The following DPYD variants were observed in gnomAD, a reference collection of about 807,000 sequenced individuals.
DPYD encodes the protein dihydropyrimidine dehydrogenase.
Under a neutral mutation model 116.2 loss-of-function variants are expected in DPYD, and 109 were observed. The observed-to-expected ratio is 0.94, with a 90% CI of 0.80 to 1.10. DPYD has a LOEUF of 1.10. DPYD is among the 50% of genes least tolerant of loss of function. The pLI, the probability that DPYD is intolerant of heterozygous loss-of-function variation, is 0.00. For synonymous variants in DPYD, 440 were observed against 432.0 expected, an observed-to-expected ratio of 1.02 and a Z score of -0.23; for missense variants, 1,302 against 1,254.5, an observed-to-expected ratio of 1.04 and a Z score of -0.57.
At chr1:97,621,073 A>G (rs1371581798) in intron 8 of DPYD, among the ~76,000 whole-genome samples, 2 of 152,150 alleles carry the variant, frequency 1.3e-5, no homozygotes, top group Non-Finnish European at 2.9e-5. Context: ...TTGAATATCA[A>G]AAGAAATTTA....
intron 3 of DPYD, among the ~76,000 whole-genome samples, chr1:97,786,648 C>T (rs1667051242): frequency 6.6e-6 from 1 of 152,196 alleles, no homozygotes; most frequent in African/African-American, 2.4e-5. Flanking sequence ...ACAGAATAGA[C>T]ACCTGAAGTT....
At chr1:97,919,311 T>A (rs958889233) in intron 1 of DPYD, among the ~76,000 whole-genome samples, 1 of 152,114 alleles carries the variant, frequency 6.6e-6, no homozygotes, top group Non-Finnish European at 1.5e-5. Context: ...TTGAATTGAG[T>A]GGAGGGAGTG....
At chr1:97,138,628 CA>C (rs76208521) in intron 20 of DPYD, among the ~76,000 whole-genome samples, 7 of 151,968 alleles carry the variant, frequency 4.6e-5, no homozygotes, top group African/African-American at 1.7e-4. Context: ...ATTTTTCTCG[CA>C]AAAAATGTTC....
chr1:97,860,064 TG>T (rs1671043574), intron 2 of DPYD, among the ~76,000 whole-genome samples: 1 of 152,110 alleles, frequency 6.6e-6, no homozygotes, highest in African/African-American at 2.4e-5. Context: ...AATATTAGGC[TG>T]GGTGCGGTGG....
intron 16 of DPYD, among the ~76,000 whole-genome samples, chr1:97,358,303 C>T (rs1056069515): frequency 2.0e-5 from 3 of 152,220 alleles, no homozygotes; most frequent in Admixed American, 1.3e-4. Flanking sequence ...GCTGGGGAAG[C>T]TAGAACTCGG....
intron 16 of DPYD, among the ~76,000 whole-genome samples, chr1:97,363,710 C>A (rs912373737): frequency 6.6e-6 from 1 of 152,106 alleles, no homozygotes; most frequent in Non-Finnish European, 1.5e-5. Flanking sequence ...GGACAAAAAA[C>A]CAAACACTGT....
At chr1:97,290,474 G>C (rs1666063941) in intron 18 of DPYD, among the ~76,000 whole-genome samples, 1 of 151,972 alleles carries the variant, frequency 6.6e-6, no homozygotes, top group Non-Finnish European at 1.5e-5. Flanking sequence ...CATGGTACTG[G>C]TACCAAAACA....
At chr1:97,608,419 C>T (rs1655736043) in intron 8 of DPYD, among the ~76,000 whole-genome samples, 2 of 151,868 alleles carry the variant, frequency 1.3e-5, no homozygotes, top group African/African-American at 4.8e-5. Context: ...CAGAAGGGTA[C>T]ATTCACGTCT....
chr1:97,323,684 AT>A (rs985977764), intron 16 of DPYD, among the ~76,000 whole-genome samples: 5 of 143,418 alleles, frequency 3.5e-5, no homozygotes, highest in Admixed American at 2.1e-4. Context: ...ATATATACAT[AT>A]ATGTGTATAT....
At chr1:97,564,428 A>G (rs1652377029) in intron 11 of DPYD, among the ~76,000 whole-genome samples, 1 of 152,194 alleles carries the variant, frequency 6.6e-6, no homozygotes, top group Non-Finnish European at 1.5e-5. Context: ...ATGATAGGCT[A>G]CAACACCTTT....
intron 16 of DPYD, among the ~76,000 whole-genome samples, chr1:97,322,243 A>G (rs931679816): frequency 6.7e-6 from 1 of 149,282 alleles, no homozygotes; most frequent in Non-Finnish European, 1.5e-5. Context: ...ATAAAAAAAA[A>G]TAATAAATAA....
chr1:97,503,354 C>A (rs1169368727), intron 13 of DPYD, among the ~76,000 whole-genome samples: 1 of 151,946 alleles, frequency 6.6e-6, no homozygotes, highest in Non-Finnish European at 1.5e-5. Context: ...GGCAATCTCA[C>A]GTAACTCCAA....
chr1:97,207,631 A>G (rs924951768), intron 19 of DPYD, among the ~76,000 whole-genome samples: 1 of 152,156 alleles, frequency 6.6e-6, no homozygotes, highest in African/African-American at 2.4e-5. Flanking sequence ...GACTGAATTC[A>G]CACTATCAAA....
chr1:97,517,066 T>C (rs2101979890), intron 12 of DPYD, among the ~76,000 whole-genome samples: 1 of 152,226 alleles, frequency 6.6e-6, no homozygotes, highest in East Asian at 1.9e-4. Flanking sequence ...AAATTATTTC[T>C]GGCCCTCCAC....
intron 8 of DPYD, among the ~76,000 whole-genome samples, chr1:97,627,067 G>A (rs1340137888): frequency 1.3e-5 from 2 of 151,940 alleles, no homozygotes; most frequent in African/African-American, 4.8e-5. Context: ...CCAGCTCCTT[G>A]AGGCTCCTTT....
intron 13 of DPYD, among the ~76,000 whole-genome samples, chr1:97,461,260 C>G (rs985885130): frequency 6.6e-6 from 1 of 152,114 alleles, no homozygotes; most frequent in African/African-American, 2.4e-5. Flanking sequence ...ATTTGGCACT[C>G]CTTAGAGTCT....
At chr1:97,315,495 C>G (rs1312346371) in intron 16 of DPYD, among the ~76,000 whole-genome samples, 1 of 151,972 alleles carries the variant, frequency 6.6e-6, no homozygotes, top group Non-Finnish European at 1.5e-5. Flanking sequence ...AAGCATTTCT[C>G]TCCAATAAAC....
chr1:97,330,133 T>A (rs1196905769), intron 16 of DPYD, among the ~76,000 whole-genome samples: 4 of 152,096 alleles, frequency 2.6e-5, no homozygotes, highest in Non-Finnish European at 5.9e-5. Flanking sequence ...GACATTAAAT[T>A]TCCTGTATTT....
chr1:97,720,781 C>T lies in DPYD; in HGVS notation c.483+729G>A, dbSNP rs537580248. The T allele has an allele frequency of 6.7e-5, 101 of 1,503,322 alleles. 3 individuals are homozygous for T. The Middle Eastern group carries it at 1.5e-3, about 22-fold the overall frequency. 93.1% of individuals were successfully genotyped at this position (1,503,322 alleles called of 1,614,324 possible). A position where few individuals can be genotyped will look rare whatever the true frequency, so the allele number is the denominator to read the frequency against. ...CCAAAGATTATAAAATCTTACTATA[C>T]CCTTCATATAAGCTGATCATTTAAA... On this transcript the variant is annotated intron_variant, in intron 5 of 22. Coordinates refer to ENST00000370192, the MANE Select transcript of DPYD (RefSeq NM_000110.4).
Sources: allele counts gnomAD v4.1 joint callset (sites outside exome capture counted in the v4.1 genomes callset), GRCh38; gene constraint gnomAD v4.1.1; transcripts MANE v1.5; gene names NCBI Gene and HGNC (gene_info 2026-07-23, HGNC 2026-07-21).